Variants in ZNF385D observed in about 807,000 individuals in gnomAD.
ZNF385D encodes the protein zinc finger protein 385D.
Under a neutral mutation model 35.8 loss-of-function variants are expected in ZNF385D, and 15 were observed. The observed-to-expected ratio is 0.42, with a 90% confidence interval of 0.28 to 0.64. The LOEUF is 0.64. ZNF385D is among the 30% of genes least tolerant of loss of function. The pLI is 0.23. For synonymous variants in ZNF385D, 212 were observed against 186.8 expected (o/e 1.13, Z -1.10); for missense variants, 474 against 494.6 (o/e 0.96, Z 0.39).
At chr3:22,298,484 TATATATA>T (rs1420102495) in intron 2 of ZNF385D, among the ~76,000 whole-genome samples, 2 of 145,550 alleles carry the variant, frequency 1.4e-5, no homozygotes, top group Admixed American at 7.0e-5. Context: ...ATAAAACATT[TATATATA>T]ATATATAAAT....
At chr3:22,369,519 G>T (rs919803867) in intron 2 of ZNF385D, among the ~76,000 whole-genome samples, 1 of 152,088 alleles carries the variant, frequency 6.6e-6, no homozygotes, top group African/African-American at 2.4e-5. Flanking sequence ...GAGACATGTA[G>T]ATTTATTGGA....
chr3:21,602,077 G>C (rs964421240), intron 2 of ZNF385D, among the ~76,000 whole-genome samples: 3 of 152,128 alleles, frequency 2.0e-5, no homozygotes, highest in African/African-American at 7.2e-5. Flanking sequence ...TGAAGGTGAA[G>C]GGGGAGCAAA....
At chr3:21,961,299 A>C (rs977873988) in intron 3 of ZNF385D, 2 of 152,140 alleles carry the variant, frequency 1.3e-5, no homozygotes, top group Non-Finnish European at 2.9e-5. Context: ...GAAAGAACAG[A>C]AACTTACAGG....
At position 21,484,900 on chromosome 3, in the gene ZNF385D, C is replaced by T. The variant is rs530489934; in HGVS notation, c.439+25961G>A. Among the ~76,000 whole-genome samples the T allele has an allele frequency of 7.2e-5, 11 of 152,160 alleles. No homozygotes were observed. In the South Asian group the frequency reaches 8.3e-4, roughly 11 times the overall value. The stretch of plus-strand genomic sequence containing the variant: ...TTGCAGACTGCTCCTGTGCCCAGAC[C>T]GGCATATATAGGAGGCAAACAAAAC... On this transcript the variant is annotated intron_variant, in intron 4 of 7. Coordinates refer to ENST00000281523, the MANE Select transcript of ZNF385D (RefSeq NM_024697.3).
chr3:21,966,847 G>A (rs557063264), intron 3 of ZNF385D, among the ~76,000 whole-genome samples: 14 of 152,328 alleles, frequency 9.2e-5, no homozygotes, highest in South Asian at 2.1e-4. Context: ...CTCCGAGGCC[G>A]AAGGATTATA....
intron 3 of ZNF385D, among the ~76,000 whole-genome samples, chr3:21,971,816 T>A (rs1703277838): frequency 6.6e-6 from 1 of 151,922 alleles, no homozygotes. Flanking sequence ...GGAGTGGCTA[T>A]CCTTATATTA....
At chr3:21,737,761 A>G (rs1408191463) in intron 1 of ZNF385D, among the ~76,000 whole-genome samples, 1 of 152,218 alleles carries the variant, frequency 6.6e-6, no homozygotes, top group East Asian at 1.9e-4. Flanking sequence ...TGTTTGGATT[A>G]CTATCTGATA....
At chr3:21,794,210 G>A (rs2125669219) in intron 3 of ZNF385D, among the ~76,000 whole-genome samples, 1 of 152,140 alleles carries the variant, frequency 6.6e-6, no homozygotes, top group Middle Eastern at 3.4e-3. Context: ...CTTGCTGCTT[G>A]GGGAGTAGGA....
chr3:22,316,790 T>A (rs1312578897), intron 2 of ZNF385D, among the ~76,000 whole-genome samples: 1 of 152,164 alleles, frequency 6.6e-6, no homozygotes, highest in African/African-American at 2.4e-5. Flanking sequence ...CTAAGGAAGT[T>A]TTAGACAAGG....
chr3:21,794,504 A>G (rs11717650), intron 3 of ZNF385D, among the ~76,000 whole-genome samples: 13,122 of 152,192 alleles, frequency 0.086, 628 homozygotes, highest in Non-Finnish European at 0.1. Flanking sequence ...TATTTCTCAC[A>G]GTTCTAAAGA....
chr3:21,620,395 G>T (rs954422524), intron 2 of ZNF385D, among the ~76,000 whole-genome samples: 1 of 152,192 alleles, frequency 6.6e-6, no homozygotes, highest in East Asian at 1.9e-4. Context: ...CCCTCTTAGT[G>T]GTTCTTTTCA....
intron 1 of ZNF385D, among the ~76,000 whole-genome samples, chr3:21,679,591 C>T (rs2125308119): frequency 6.6e-6 from 1 of 152,086 alleles, no homozygotes; most frequent in Admixed American, 6.6e-5. Context: ...GCAAACTATA[C>T]TTAATGTCAT....
chr3:22,356,984 T>C (rs984878057), intron 2 of ZNF385D, among the ~76,000 whole-genome samples: 1 of 151,868 alleles, frequency 6.6e-6, no homozygotes, highest in South Asian at 2.1e-4. Flanking sequence ...GGAAACAAGA[T>C]AGCAAGTTAT....
At chr3:21,479,486 A>G (rs1001342519) in intron 4 of ZNF385D, among the ~76,000 whole-genome samples, 2 of 152,156 alleles carry the variant, frequency 1.3e-5, no homozygotes, top group African/African-American at 4.8e-5. Flanking sequence ...TAAAGAGTAG[A>G]TTTCTTTAAA....
chr3:21,932,354 C>T (rs1263835869), intron 3 of ZNF385D, among the ~76,000 whole-genome samples: 1 of 151,570 alleles, frequency 6.6e-6, no homozygotes, highest in Non-Finnish European at 1.5e-5. Context: ...CGCAATTAGT[C>T]AAAGCAAGTT....
At chr3:22,266,401 A>G (rs1411403749) in intron 2 of ZNF385D, among the ~76,000 whole-genome samples, 1 of 151,964 alleles carries the variant, frequency 6.6e-6, no homozygotes, top group Non-Finnish European at 1.5e-5. Context: ...CTAGAGCTCA[A>G]GTAAAACCAG....
intron 2 of ZNF385D, among the ~76,000 whole-genome samples, chr3:22,307,388 G>A (rs1703288005): frequency 6.6e-6 from 1 of 152,108 alleles, no homozygotes. Flanking sequence ...GTTTAAGAGA[G>A]CCATTGGACT....
chr3:21,677,984 G>C (rs17009271), intron 1 of ZNF385D, among the ~76,000 whole-genome samples: 7,639 of 151,928 alleles, frequency 0.05, 274 homozygotes, highest in East Asian at 0.13. Flanking sequence ...TCCCCTTCTA[G>C]TACTCAGGGC....
chr3:21,967,809 G>A (rs1169538441), intron 3 of ZNF385D, among the ~76,000 whole-genome samples: 3 of 152,322 alleles, frequency 2.0e-5, no homozygotes, highest in Middle Eastern at 3.4e-3. Flanking sequence ...GGAAGTTGGA[G>A]TAAGATGGCT....
Sources: allele counts gnomAD v4.1 joint callset (sites outside exome capture counted in the v4.1 genomes callset), GRCh38; gene constraint gnomAD v4.1.1; transcripts MANE v1.5; gene names NCBI Gene and HGNC (gene_info 2026-07-23, HGNC 2026-07-21).